Variants in NCKAP5 observed in about 807,000 individuals in gnomAD.
NCKAP5 encodes NCK associated protein 5, also known as nck-associated protein 5.
In NCKAP5, 92 loss-of-function variants were observed where a neutral mutation model predicts 167.0. The ratio of observed to expected loss-of-function variants is 0.55; its 90% CI spans 0.47 to 0.66. The LOEUF (loss-of-function observed/expected upper bound fraction) is 0.66. NCKAP5 is among the 30% of genes least tolerant of loss of function. The pLI is 0.00. For synonymous variants in NCKAP5, 891 were observed against 877.4 expected (o/e 1.02, Z -0.27); for missense variants, 2,378 against 2,315.0 (o/e 1.03, Z -0.56).
At chr2:132,853,790 TAAAAC>T (rs763145227) in intron 11 of NCKAP5, among the ~76,000 whole-genome samples, 162 of 152,014 alleles carry the variant, frequency 1.1e-3, no homozygotes, top group Admixed American at 1.0e-3. Flanking sequence ...CAGGAAGAAA[TAAAAC>T]AAAACAAATA....
intron 8 of NCKAP5, among the ~76,000 whole-genome samples, chr2:132,921,372 C>T (rs1471054037): frequency 6.6e-6 from 1 of 152,176 alleles, no homozygotes; most frequent in Non-Finnish European, 1.5e-5. Context: ...AAACATGTGT[C>T]CCACTGCAAC....
intron 3 of NCKAP5, among the ~76,000 whole-genome samples, chr2:133,516,276 C>A (rs1683984416): frequency 6.6e-6 from 1 of 152,170 alleles, no homozygotes; most frequent in African/African-American, 2.4e-5. Context: ...GACACACACA[C>A]AGACACCCAG....
intron 6 of NCKAP5, among the ~76,000 whole-genome samples, chr2:133,050,942 T>C (rs1226341629): frequency 6.6e-6 from 1 of 152,242 alleles, no homozygotes; most frequent in African/African-American, 2.4e-5. Flanking sequence ...ACTGAACGCA[T>C]GTGTGAAATT....
At chr2:133,287,111 T>G (rs1679201473) in intron 4 of NCKAP5, among the ~76,000 whole-genome samples, 1 of 152,236 alleles carries the variant, frequency 6.6e-6, no homozygotes, top group African/African-American at 2.4e-5. Flanking sequence ...TAGTTCTAAA[T>G]TTCTTCTCCA....
At chr2:133,593,346 T>A in the NCKAP5 span, among the ~76,000 whole-genome samples, 1 of 151,944 alleles carries the variant, frequency 6.6e-6, no homozygotes, top group Admixed American at 6.6e-5. Flanking sequence ...TAAGGGGCTC[T>A]AGAGCTTGAA....
intron 8 of NCKAP5, among the ~76,000 whole-genome samples, chr2:132,912,010 A>G (rs1159236749): frequency 1.3e-5 from 2 of 152,124 alleles, no homozygotes; most frequent in African/African-American, 4.8e-5. Flanking sequence ...GAAACTACCA[A>G]TCTGAGCCAT....
At position 132,783,635 on chromosome 2, in the gene NCKAP5, C is replaced by T. The variant is rs777140231; in HGVS notation, c.3176G>A (p.Arg1059Lys). 2.5e-6 allele frequency: 4 copies of T among 1,613,800 alleles called. No homozygotes were observed. The highest frequency in any genetic ancestry group is 2.2e-5 in the South Asian group (2 of 91,080). ...CCTGGGAGTCTGTAATCCTATGTCC[C>T]TTTGTGGGGTCCCAAGTGTTTGGCG... ...SPRQTLGTPQ[R>K]DIGLQTPRIS... The change falls in exon 14 of 20, where the codon AGG becomes AAG. Residue 1059 changes from arginine to lysine, a missense_variant. Physicochemically the swap from Arg to Lys is conservative, Grantham distance 26. Around this residue, in one of 3 missense-constraint regions of NCKAP5, gnomAD observed 1,325 missense variants for 1,274.5 expected, o/e 1.04. Transcript: ENST00000409261.
chr2:133,074,108 C>T (rs771239345), intron 6 of NCKAP5, among the ~76,000 whole-genome samples: 13 of 152,162 alleles, frequency 8.5e-5, no homozygotes, highest in Admixed American at 7.9e-4. Flanking sequence ...ACACCAAAGA[C>T]TACTCAGTTT....
intron 2 of NCKAP5, among the ~76,000 whole-genome samples, chr2:133,557,465 A>T (rs180950081): frequency 6.6e-6 from 1 of 152,180 alleles, no homozygotes; most frequent in Admixed American, 6.5e-5. Context: ...CAGGTTTTCT[A>T]TGTATAAAAA....
chr2:133,489,691 A>G (rs931052612), intron 3 of NCKAP5, among the ~76,000 whole-genome samples: 2 of 152,090 alleles, frequency 1.3e-5, no homozygotes, highest in Non-Finnish European at 2.9e-5. Flanking sequence ...ATAAAATCAC[A>G]ATACAATACA....
chr2:133,626,895 A>C, the NCKAP5 span, among the ~76,000 whole-genome samples: 2 of 151,996 alleles, frequency 1.3e-5, no homozygotes, highest in African/African-American at 4.8e-5. Flanking sequence ...TAAGGAAAGT[A>C]GTTATTTGGG....
At chr2:133,069,230 G>T (rs1399103548) in intron 6 of NCKAP5, among the ~76,000 whole-genome samples, 1 of 152,088 alleles carries the variant, frequency 6.6e-6, no homozygotes, top group Admixed American at 6.5e-5. Context: ...ATCCCTTCCA[G>T]CCCAAATAGA....
chr2:133,542,571 T>G (rs1294208175), intron 2 of NCKAP5, among the ~76,000 whole-genome samples: 1 of 152,232 alleles, frequency 6.6e-6, no homozygotes, highest in Non-Finnish European at 1.5e-5. Flanking sequence ...TATTTCACAG[T>G]GCCAGTGAAA....
Position 133,116,415 on chromosome 2 carries a change from G to A in NCKAP5, c.341+13563C>T, listed in dbSNP as rs1175642595. 4.5e-5 allele frequency among the ~76,000 whole-genome samples: 4 copies of A among 89,178 alleles called. 1 individual carries two copies. The highest frequency in any genetic ancestry group is 2.3e-4 in the African/African-American group (4 of 17,030). The allele number at this position is 89,178 out of a possible 152,430, so 58.5% of individuals were successfully genotyped here. A position where few individuals can be genotyped will look rare whatever the true frequency, so the allele number is the denominator to read the frequency against. Reference sequence around the variant, plus strand: ...AGGCAGGAGAATGGCGTGAACCCGGGAGGCGGAGCTTGCAGTGAGCCGAGA... The same window carrying A: ...AGGCAGGAGAATGGCGTGAACCCGGAAGGCGGAGCTTGCAGTGAGCCGAGA... On this transcript the variant is annotated intron_variant, in intron 6 of 19. Transcript: ENST00000409261.
chr2:132,676,106 G>T (rs2104985013), intron 19 of NCKAP5, among the ~76,000 whole-genome samples: 1 of 152,130 alleles, frequency 6.6e-6, no homozygotes, highest in South Asian at 2.1e-4. Flanking sequence ...TGTGGGTGCA[G>T]ATCTTTCGAT....
At chr2:132,840,276 A>ATTT (rs199908793) in intron 11 of NCKAP5, among the ~76,000 whole-genome samples, 5,164 of 135,174 alleles carry the variant, frequency 0.038, 172 homozygotes, top group Middle Eastern at 0.074. Context: ...ATTGCACAGC[A>ATTT]TTTTTTTTTT....
intron 16 of NCKAP5, among the ~76,000 whole-genome samples, chr2:132,743,616 G>A (rs62176989): frequency 0.014 from 2,117 of 151,662 alleles, 23 homozygotes; most frequent in Middle Eastern, 0.031. Context: ...GGTAGAAAAG[G>A]AGGAAAATAG....
chr2:133,588,391 C>T, the NCKAP5 span, among the ~76,000 whole-genome samples: 1 of 141,644 alleles, frequency 7.1e-6, no homozygotes, highest in East Asian at 2.2e-4. Context: ...CCTTCCCTTC[C>T]TTCTTCCCTC....
chr2:133,418,569 G>A (rs570925898), intron 3 of NCKAP5, among the ~76,000 whole-genome samples: 18 of 152,174 alleles, frequency 1.2e-4, no homozygotes, highest in Non-Finnish European at 2.1e-4. Context: ...GAGGATTCAA[G>A]AACAGAGTTC....
Sources: gnomAD v4.1 joint callset for allele counts (sites outside exome capture counted in the v4.1 genomes callset) on GRCh38, gnomAD v4.1.1 for gene constraint, gnomAD v4.1.1 regional missense constraint, MANE v1.5 for transcripts, NCBI Gene and HGNC (gene_info 2026-07-23, HGNC 2026-07-21) for gene names.